Variants in GABRG3 observed in about 807,000 individuals in gnomAD.
GABRG3 encodes the protein gamma-aminobutyric acid receptor subunit gamma-3.
A neutral mutation model predicts 48.8 loss-of-function variants in GABRG3; 25 were observed. The ratio of observed to expected loss-of-function variants is 0.51; its 90% CI spans 0.37 to 0.72. The LOEUF is 0.72. GABRG3 is among the 30% of genes least tolerant of loss of function. The pLI is 0.00. For missense variants in GABRG3, 394 were observed against 577.9 expected, an observed-to-expected ratio of 0.68 and a Z score of 3.26; for synonymous variants, 227 against 217.6, an observed-to-expected ratio of 1.04 and a Z score of -0.38.
At chr15:27,495,329 C>T (rs1014090218) in intron 6 of GABRG3, among the ~76,000 whole-genome samples, 1 of 152,140 alleles carries the variant, frequency 6.6e-6, no homozygotes, top group African/African-American at 2.4e-5. Flanking sequence ...CATAATATTC[C>T]ATTGTAAGTA....
At chr15:27,090,933 G>C (rs558425714) in intron 3 of GABRG3, among the ~76,000 whole-genome samples, 3 of 152,140 alleles carry the variant, frequency 2.0e-5, no homozygotes, top group East Asian at 1.9e-4. Flanking sequence ...TACATATAAG[G>C]GTGTATCATA....
At chr15:27,326,698 G>T in intron 3 of GABRG3, 111 bp from the exon 4 acceptor site, 1 of 790,198 alleles carries the variant, frequency 1.3e-6, no homozygotes. Context: ...AAAGAGAATT[G>T]GGGAGGTGAG....
intron 3 of GABRG3, among the ~76,000 whole-genome samples, chr15:27,259,294 G>C (rs1486174067): frequency 1.3e-5 from 2 of 152,114 alleles, no homozygotes; most frequent in African/African-American, 4.8e-5. Context: ...CTATCAGGAG[G>C]CTTTAGCTTC....
At position 27,541,857 on chromosome 15, in the gene GABRG3, C is replaced by A. The variant is rs75425786; in HGVS notation, c.*8976C>A. 1 of 152,270 alleles carries A rather than the reference C, an allele frequency of 6.6e-6. No individual in the cohort carries two copies. Among genetic ancestry groups the A allele is most frequent in the Non-Finnish European group, 1.5e-5 (1 of 68,076 alleles). 9.4% of individuals were successfully genotyped at this position (152,270 alleles called of 1,614,324 possible). On this transcript the variant is annotated 3_prime_UTR_variant, in exon 10 of 10. Transcript: ENST00000615808. The stretch of plus-strand genomic sequence containing the variant: ...CCTTGGCGACACGGGCGGCGCCGCG[C>A]CCCGCTTCGTGCGTCCCGTCCCCGC...
At chr15:27,442,331 C>T (rs1430912636) in intron 5 of GABRG3, among the ~76,000 whole-genome samples, 1 of 152,250 alleles carries the variant, frequency 6.6e-6, no homozygotes, top group Non-Finnish European at 1.5e-5. Flanking sequence ...GGATGCACTC[C>T]ATACCCACAG....
At chr15:27,286,956 G>A (rs929911796) in intron 3 of GABRG3, among the ~76,000 whole-genome samples, 1 of 152,178 alleles carries the variant, frequency 6.6e-6, no homozygotes, top group Non-Finnish European at 1.5e-5. Flanking sequence ...GAAGTGATCC[G>A]TGGCTCCATG....
intron 3 of GABRG3, among the ~76,000 whole-genome samples, chr15:27,169,330 T>C (rs1887486267): frequency 6.6e-6 from 1 of 152,074 alleles, no homozygotes; most frequent in Non-Finnish European, 1.5e-5. Context: ...GGAAGAGCAC[T>C]TCCTGGGGAG....
At chr15:27,266,474 A>C (rs1198072158) in intron 3 of GABRG3, among the ~76,000 whole-genome samples, 1 of 152,138 alleles carries the variant, frequency 6.6e-6, no homozygotes, top group Non-Finnish European at 1.5e-5. Flanking sequence ...TCAGATTTTG[A>C]TCCTGCACAT....
intron 3 of GABRG3, among the ~76,000 whole-genome samples, chr15:27,175,981 C>T (rs1200294552): frequency 6.9e-6 from 1 of 144,382 alleles, no homozygotes; most frequent in Non-Finnish European, 1.5e-5. Context: ...TTTAAAAAGG[C>T]ATAGGGCATC....
chr15:26,986,777 A>C (rs1366621978), intron 2 of GABRG3, among the ~76,000 whole-genome samples: 1 of 152,134 alleles, frequency 6.6e-6, no homozygotes, highest in Non-Finnish European at 1.5e-5. Flanking sequence ...CAGTTCATAG[A>C]ATAACAAATG....
chr15:27,158,016 C>T (rs539644417), intron 3 of GABRG3: 9 of 152,286 alleles, frequency 5.9e-5, no homozygotes, highest in East Asian at 1.9e-4. Flanking sequence ...ACTTCTAGTA[C>T]GCAGGCTCTG....
At chr15:27,088,225 C>T (rs1174228492) in intron 3 of GABRG3, among the ~76,000 whole-genome samples, 3 of 104,722 alleles carry the variant, frequency 2.9e-5, no homozygotes, top group African/African-American at 3.8e-5. Flanking sequence ...ATGGGCGCCG[C>T]GGTGCGTTCT....
chr15:27,208,296 G>T, intron 3 of GABRG3: 1 of 205,284 alleles, frequency 4.9e-6, no homozygotes, highest in South Asian at 9.7e-5. Context: ...TGGCCATTTT[G>T]AGCCAAGGCC....
chr15:27,279,418 C>A (rs1891362109), intron 3 of GABRG3, among the ~76,000 whole-genome samples: 1 of 152,136 alleles, frequency 6.6e-6, no homozygotes, highest in African/African-American at 2.4e-5. Flanking sequence ...AGTCCATGAT[C>A]AATTTTGAAT....
chr15:27,521,457 A>C (rs1891157983), intron 7 of GABRG3, among the ~76,000 whole-genome samples: 1 of 152,118 alleles, frequency 6.6e-6, no homozygotes, highest in Admixed American at 6.5e-5. Flanking sequence ...GACTCTTTAC[A>C]TTGTAAGGAG....
intron 3 of GABRG3, among the ~76,000 whole-genome samples, chr15:27,132,035 C>G (rs1029885128): frequency 1.3e-5 from 2 of 151,924 alleles, no homozygotes; most frequent in African/African-American, 4.8e-5. Context: ...GATATTAACC[C>G]CTTGTCAGAT....
intron 3 of GABRG3, among the ~76,000 whole-genome samples, chr15:27,293,693 A>AC (rs541761940): frequency 2.1e-3 from 315 of 152,100 alleles, no homozygotes; most frequent in African/African-American, 7.0e-3. Flanking sequence ...AAACAAACAA[A>AC]AAAAAAAACA....
chr15:27,096,831 T>G (rs1897271823), intron 3 of GABRG3, among the ~76,000 whole-genome samples: 1 of 142,046 alleles, frequency 7.0e-6, no homozygotes, highest in Non-Finnish European at 1.5e-5. Context: ...TTTTCTTTTC[T>G]TTCTATCTTT....
rs191535671 is a variant in GABRG3, at chr15:27,534,821, C to T, written c.*1940C>T. 1 of 152,278 alleles carries T rather than the reference C, an allele frequency of 6.6e-6. No homozygotes were observed. Among genetic ancestry groups the T allele is most frequent in the Non-Finnish European group, 1.5e-5 (1 of 68,030 alleles). The allele number at this position is 152,278 out of a possible 1,614,324, so 9.4% of individuals were successfully genotyped here. ...ATGTCTGAATTTCCAAAGATGGAGT[C>T]TATACAGCGTGAGACATTCAAACCC... is the stretch of plus-strand genomic sequence containing the variant. On this transcript the variant is annotated 3_prime_UTR_variant, in exon 10 of 10. Transcript: ENST00000615808.
Sources: gnomAD v4.1 joint callset for allele counts (sites outside exome capture counted in the v4.1 genomes callset) on GRCh38, gnomAD v4.1.1 for gene constraint, MANE v1.5 for transcripts, NCBI Gene and HGNC (gene_info 2026-07-23, HGNC 2026-07-21) for gene names.